DDAH1: variants seen among roughly 807,000 people sequenced by gnomAD.
DDAH1 encodes N(G),N(G)-dimethylarginine dimethylaminohydrolase 1.
DDAH1 carries 19 observed loss-of-function variants against 28.8 expected under a neutral mutation model. The ratio of observed to expected loss-of-function variants is 0.66; its 90% CI spans 0.46 to 0.97. DDAH1 has a LOEUF of 0.97. DDAH1 is among the 50% of genes least tolerant of loss of function. The pLI, the probability that DDAH1 is intolerant of heterozygous loss-of-function variation, is 0.00. For synonymous variants in DDAH1, 153 were observed against 154.4 expected, an observed-to-expected ratio of 0.99 and a Z score of 0.07; for missense variants, 326 against 375.9, an observed-to-expected ratio of 0.87 and a Z score of 1.10.
At chr1:85,394,017 T>C (rs927607108) in intron 1 of DDAH1, among the ~76,000 whole-genome samples, 4 of 152,182 alleles carry the variant, frequency 2.6e-5, no homozygotes, top group African/African-American at 9.7e-5. Flanking sequence ...CCAAAATATA[T>C]GAAAAAGCTT....
chr1:85,428,021 G>A (rs1020318175), intron 1 of DDAH1, among the ~76,000 whole-genome samples: 10 of 152,152 alleles, frequency 6.6e-5, no homozygotes, highest in Admixed American at 4.6e-4. Context: ...GTTATAGAAG[G>A]GAAGAGGAAG....
At chr1:85,422,081 G>A (rs971980363) in intron 1 of DDAH1, among the ~76,000 whole-genome samples, 6 of 135,442 alleles carry the variant, frequency 4.4e-5, no homozygotes, top group Admixed American at 1.5e-4. Context: ...GATTGATATT[G>A]TCAGTTTTTT....
intron 1 of DDAH1, among the ~76,000 whole-genome samples, chr1:85,515,124 T>A (rs1489980220): frequency 1.3e-5 from 2 of 148,274 alleles, no homozygotes. Flanking sequence ...GCATGGTGGC[T>A]CACACCTGTA....
chr1:85,403,160 C>G (rs780385122), intron 1 of DDAH1, among the ~76,000 whole-genome samples: 1 of 150,706 alleles, frequency 6.6e-6, no homozygotes, highest in African/African-American at 2.4e-5. Flanking sequence ...ATGTAAACTC[C>G]TAGATTTACC....
At chr1:85,353,573 A>G (rs527583561) in intron 2 of DDAH1, among the ~76,000 whole-genome samples, 1 of 152,286 alleles carries the variant, frequency 6.6e-6, no homozygotes, top group Admixed American at 6.5e-5. Flanking sequence ...CTCATTATAT[A>G]AAGATCAAAA....
chr1:85,482,506 C>A (rs1656044047), intron 2 of DDAH1: 1 of 152,192 alleles, frequency 6.6e-6, no homozygotes, highest in Admixed American at 6.5e-5. Context: ...ACAGCATTCA[C>A]ACCACACCAG....
intron 1 of DDAH1, among the ~76,000 whole-genome samples, chr1:85,574,200 C>G (rs945332747): frequency 2.0e-4 from 30 of 152,224 alleles, no homozygotes; most frequent in Admixed American, 1.4e-3. Context: ...AAGGCCAAGG[C>G]CAAATATCAG....
intron 4 of DDAH1, among the ~76,000 whole-genome samples, chr1:85,343,179 T>C (rs2100826068): frequency 6.6e-6 from 1 of 152,286 alleles, no homozygotes; most frequent in African/African-American, 2.4e-5. Context: ...TTTGACATTT[T>C]CTTGAAAGCC....
intron 1 of DDAH1, among the ~76,000 whole-genome samples, chr1:85,451,927 T>C (rs1654685048): frequency 6.6e-6 from 1 of 152,186 alleles, no homozygotes; most frequent in Non-Finnish European, 1.5e-5. Flanking sequence ...ATCACAACAT[T>C]ATAATTTGGT....
At chr1:85,556,079 G>C (rs933431196) in intron 1 of DDAH1, among the ~76,000 whole-genome samples, 1 of 110,184 alleles carries the variant, frequency 9.1e-6, no homozygotes, top group African/African-American at 3.3e-5. Context: ...CACCGCCGCC[G>C]CCTCCTCCTC....
chr1:85,572,799 TGG>T, intron 1 of DDAH1, among the ~76,000 whole-genome samples: 1 of 152,314 alleles, frequency 6.6e-6, no homozygotes, highest in East Asian at 1.9e-4. Flanking sequence ...AAACATCACA[TGG>T]CTCACCACTG....
intron 1 of DDAH1, among the ~76,000 whole-genome samples, chr1:85,501,899 T>A (rs1271366479): frequency 6.6e-6 from 1 of 152,218 alleles, no homozygotes; most frequent in East Asian, 1.9e-4. Flanking sequence ...AAATTCTCCC[T>A]GGTTTTTAGA....
At chr1:85,547,248 G>A (rs1409106978) in intron 1 of DDAH1, among the ~76,000 whole-genome samples, 2 of 152,140 alleles carry the variant, frequency 1.3e-5, no homozygotes, top group African/African-American at 2.4e-5. Flanking sequence ...CTACGTCAGA[G>A]GGCTGTGTAA....
intron 4 of DDAH1, among the ~76,000 whole-genome samples, chr1:85,349,054 A>G (rs1377705772): frequency 6.6e-6 from 1 of 152,232 alleles, no homozygotes; most frequent in Non-Finnish European, 1.5e-5. Context: ...AAGGAGAAAA[A>G]TAATCTTCCT....
chr1:85,496,198 T>C (rs1402191502), exon 2 of DDAH1: 1 of 984,668 alleles, frequency 1.0e-6, no homozygotes, highest in Non-Finnish European at 1.2e-6. Context: ...TTCTTGAAAA[T>C]AGCTCTTGCT....
chr1:85,392,819 A>G (rs979535069), intron 1 of DDAH1, among the ~76,000 whole-genome samples: 25 of 148,670 alleles, frequency 1.7e-4, no homozygotes, highest in African/African-American at 6.2e-4. Flanking sequence ...AAAAAAAAAG[A>G]AAGAAAATGA....
At chr1:85,507,725 A>C (rs1207456022) in intron 1 of DDAH1, among the ~76,000 whole-genome samples, 2 of 152,112 alleles carry the variant, frequency 1.3e-5, no homozygotes, top group African/African-American at 4.8e-5. Flanking sequence ...AGTCCTTTGA[A>C]GTTCTCGTAT....
chr1:85,567,375 C>A lies in DDAH1; in HGVS notation c.-123+10609G>T, dbSNP rs191830814. 2.0e-5 allele frequency among the ~76,000 whole-genome samples: 3 copies of A among 152,228 alleles called. No homozygotes were observed. In the East Asian group the frequency reaches 5.8e-4, roughly 29 times the overall value. The stretch of plus-strand genomic sequence containing the variant: ...TTGAATCATGGGGGCGGGTATTTCC[C>A]GTGCTATTCTCATGATAGTGATAGG... On this transcript the variant is annotated intron_variant, in intron 1 of 6. Transcript: ENST00000426972.
chr1:85,454,671 T>C (rs1570565759), intron 1 of DDAH1, among the ~76,000 whole-genome samples: 1 of 152,236 alleles, frequency 6.6e-6, no homozygotes, highest in South Asian at 2.1e-4. Flanking sequence ...CTTATGACGC[T>C]ATGTTGCAGT....
Sources: allele counts gnomAD v4.1 joint callset (sites outside exome capture counted in the v4.1 genomes callset), GRCh38; gene constraint gnomAD v4.1.1; transcripts MANE v1.5; gene names NCBI Gene and HGNC (gene_info 2026-07-23, HGNC 2026-07-21).